The following CDC14A variants were observed in gnomAD, a reference collection of about 807,000 sequenced individuals.
The protein encoded by CDC14A is cell division cycle 14A.
A neutral mutation model predicts 74.4 loss-of-function variants in CDC14A; 53 were observed. The ratio of observed to expected loss-of-function variants is 0.71; its 90% CI spans 0.57 to 0.89. The LOEUF is 0.89. CDC14A is among the 40% of genes least tolerant of loss of function. CDC14A has a pLI of 0.00. For missense variants in CDC14A, 646 were observed against 713.7 expected (o/e 0.91, Z 1.08); for synonymous variants, 247 against 258.4 (o/e 0.96, Z 0.43).
intron 4 of CDC14A, among the ~76,000 whole-genome samples, chr1:100,399,589 G>A (rs1658987620): frequency 6.6e-6 from 1 of 151,934 alleles, no homozygotes; most frequent in Admixed American, 6.6e-5. Flanking sequence ...TGATTAATGA[G>A]GTTGATTATT....
chr1:100,439,906 A>G (rs755953972), intron 5 of CDC14A, 26 bp from the exon 6 acceptor site: 16 of 1,544,984 alleles, frequency 1.0e-5, no homozygotes, highest in Middle Eastern at 1.8e-4. Context: ...GCAAGTTTTT[A>G]ATGTTGAGTT....
chr1:100,507,420 A>G (rs1319630720), intron 15 of CDC14A, among the ~76,000 whole-genome samples: 2 of 151,558 alleles, frequency 1.3e-5, no homozygotes, highest in African/African-American at 4.9e-5. Flanking sequence ...TGTACTTTCA[A>G]TCTTAGGGCT....
At chr1:100,419,351 A>T (rs1661966841) in intron 4 of CDC14A, among the ~76,000 whole-genome samples, 1 of 152,178 alleles carries the variant, frequency 6.6e-6, no homozygotes, top group Non-Finnish European at 1.5e-5. Context: ...AGAAAGGGGG[A>T]TGTTGGGAGC....
intron 11 of CDC14A, among the ~76,000 whole-genome samples, chr1:100,489,667 T>C (rs1427201067): frequency 1.3e-5 from 2 of 152,052 alleles, no homozygotes; most frequent in Admixed American, 6.6e-5. Context: ...CTTGCCTTCA[T>C]GTAGGGCAGC....
chr1:100,348,010 G>T (rs1308624242), upstream of CDC14A, among the ~76,000 whole-genome samples: 1 of 152,136 alleles, frequency 6.6e-6, no homozygotes, highest in Admixed American at 6.5e-5. Context: ...TCCGCCAGGT[G>T]CAGTGGTTCA....
At chr1:100,503,820 A>G (rs754077749) in intron 15 of CDC14A, among the ~76,000 whole-genome samples, 10 of 152,186 alleles carry the variant, frequency 6.6e-5, no homozygotes, top group African/African-American at 2.4e-4. Context: ...GGGTGGAAGT[A>G]TTTTATTAAA....
intron 4 of CDC14A, among the ~76,000 whole-genome samples, chr1:100,419,627 G>A (rs1026451103): frequency 2.0e-5 from 3 of 152,206 alleles, no homozygotes; most frequent in Non-Finnish European, 2.9e-5. Context: ...CTAGTTGTCT[G>A]AAACTTGTAA....
At chr1:100,345,490 C>A (rs1311301952) in intron 1 of CDC14A, among the ~76,000 whole-genome samples, 1 of 151,960 alleles carries the variant, frequency 6.6e-6, no homozygotes, top group Non-Finnish European at 1.5e-5. Context: ...GAAACAGAGT[C>A]CAAAATAATG....
chr1:100,352,877 G>C lies in CDC14A; in HGVS notation c.-78G>C. Reference sequence around the variant, plus strand: ...GGGACTGTGAGCTTCCTGGCTCCTGGGCAGTGGGGAAGCCCCCGGGGGCGA... The same window carrying C: ...GGGACTGTGAGCTTCCTGGCTCCTGCGCAGTGGGGAAGCCCCCGGGGGCGA... On this transcript the variant is annotated 5_prime_UTR_variant, in exon 1 of 16. Transcript: ENST00000336454. 6.2e-7 allele frequency: 1 copy of C among 1,608,702 alleles called. No individual in the cohort carries two copies. Among genetic ancestry groups the C allele is most frequent in the African/African-American group, 1.3e-5 (1 of 74,884 alleles).
At chr1:100,509,765 G>A (rs1439045085) in intron 15 of CDC14A, among the ~76,000 whole-genome samples, 1 of 152,210 alleles carries the variant, frequency 6.6e-6, no homozygotes, top group Non-Finnish European at 1.5e-5. Flanking sequence ...ACAACTCAAA[G>A]GTTGATATAT....
At chr1:100,362,994 G>T (rs1652975965) in intron 2 of CDC14A, 1 of 152,344 alleles carries the variant, frequency 6.6e-6, no homozygotes, top group African/African-American at 2.4e-5. Context: ...GACCGCAACA[G>T]GTTTTATAGT....
At chr1:100,454,869 T>C (rs1666524157) in intron 7 of CDC14A, among the ~76,000 whole-genome samples, 1 of 151,998 alleles carries the variant, frequency 6.6e-6, no homozygotes, top group Admixed American at 6.6e-5. Context: ...CTGACTCTGG[T>C]TTGTGGAATG....
chr1:100,504,769 C>A (rs1427044763), intron 15 of CDC14A: 1 of 1,405,008 alleles, frequency 7.1e-7, no homozygotes, highest in Non-Finnish European at 9.7e-7. Flanking sequence ...TGTATCTTTG[C>A]ACCAGCATTT....
rs1333702064 is a variant in CDC14A, at chr1:100,455,392, A to C, written c.520-13A>C. The C allele has an allele frequency of 6.4e-7, 1 of 1,572,946 alleles. No homozygotes were observed. The highest frequency in any genetic ancestry group is 8.7e-7 in the Non-Finnish European group (1 of 1,152,792). On this transcript the variant is annotated splice_polypyrimidine_tract_variant and intron_variant, in intron 7 of 15. Transcript: ENST00000336454. ...AAATATTTTTCTTCTCTTTTCTTAC[A>C]AAATTCTGCCAGCGAGTTGAAAATG...
At chr1:100,516,207 C>T (rs1557843936) in intron 15 of CDC14A, among the ~76,000 whole-genome samples, 1 of 152,118 alleles carries the variant, frequency 6.6e-6, no homozygotes, top group Non-Finnish European at 1.5e-5. Context: ...TTTTCCAGTT[C>T]ACTGGGTACT....
At chr1:100,441,772 GAA>G (rs1234016283) in intron 6 of CDC14A, among the ~76,000 whole-genome samples, 1 of 151,870 alleles carries the variant, frequency 6.6e-6, no homozygotes, top group Non-Finnish European at 1.5e-5. Context: ...AAGCTATGCT[GAA>G]AATGGTGATC....
chr1:100,443,063 C>T (rs2101133977), intron 7 of CDC14A, 67 bp downstream of exon 7: 1 of 1,043,286 alleles, frequency 9.6e-7, no homozygotes, highest in South Asian at 1.3e-5. Context: ...CCCTGTCACA[C>T]TCATGTATTG....
At chr1:100,350,674 A>G (rs781215694), upstream of CDC14A, among the ~76,000 whole-genome samples, 7 of 152,242 alleles carry the variant, frequency 4.6e-5, no homozygotes, top group Non-Finnish European at 8.8e-5. Flanking sequence ...AAGTTTATGA[A>G]CTGAATGAGA....
chr1:100,405,077 A>T (rs1659772016), intron 4 of CDC14A, among the ~76,000 whole-genome samples: 3 of 152,214 alleles, frequency 2.0e-5, no homozygotes, highest in African/African-American at 7.2e-5. Flanking sequence ...CGAGTCATTT[A>T]GTGGGCCTGC....
Sources: allele counts gnomAD v4.1 joint callset (sites outside exome capture counted in the v4.1 genomes callset), GRCh38; gene constraint gnomAD v4.1.1; transcripts MANE v1.5; gene names NCBI Gene and HGNC (gene_info 2026-07-23, HGNC 2026-07-21).